Variants in EXOC4 observed in about 807,000 individuals in gnomAD.
EXOC4 encodes the protein exocyst complex component 4, also known as SEC8-like 1.
A neutral mutation model predicts 107.2 loss-of-function variants in EXOC4; 71 were observed. The ratio of observed to expected loss-of-function variants is 0.66; its 90% CI spans 0.55 to 0.81. The LOEUF (loss-of-function observed/expected upper bound fraction) is 0.81. Ranked by LOEUF, EXOC4 falls within the 30% of genes least tolerant of loss-of-function variation. EXOC4 has a pLI of 0.00. For missense variants in EXOC4, 1,108 were observed against 1,189.6 expected (o/e 0.93, Z 1.01); for synonymous variants, 456 against 441.2 (o/e 1.03, Z -0.42).
At chr7:134,031,748 A>G (rs562543762) in intron 17 of EXOC4, among the ~76,000 whole-genome samples, 3 of 152,384 alleles carry the variant, frequency 2.0e-5, no homozygotes, top group South Asian at 2.1e-4. Flanking sequence ...GGAAACTTCT[A>G]TGCAAGTGAA....
intron 9 of EXOC4, chr7:133,484,022 C>G (rs201591140): frequency 3.7e-6 from 6 of 1,613,908 alleles, no homozygotes; most frequent in Non-Finnish European, 4.2e-6. Flanking sequence ...CATACGTCAA[C>G]TTTTCCTTCC....
chr7:133,358,980 A>T (rs552238113), intron 6 of EXOC4, among the ~76,000 whole-genome samples: 2 of 152,156 alleles, frequency 1.3e-5, no homozygotes, highest in Non-Finnish European at 2.9e-5. Flanking sequence ...TGTAGGCAGG[A>T]TATATTGGAC....
intron 11 of EXOC4, among the ~76,000 whole-genome samples, chr7:133,826,685 G>A (rs902430051): frequency 3.9e-5 from 6 of 152,206 alleles, no homozygotes; most frequent in South Asian, 2.1e-4. Context: ...GTGGTGCTAA[G>A]AAAACACCTA....
chr7:133,851,932 C>T (rs1482765796), intron 11 of EXOC4, among the ~76,000 whole-genome samples: 1 of 152,142 alleles, frequency 6.6e-6, no homozygotes, highest in Non-Finnish European at 1.5e-5. Flanking sequence ...TGGTTGTCGC[C>T]ATTGTTTTTC....
chr7:133,664,573 A>C (rs1237425778), intron 10 of EXOC4, among the ~76,000 whole-genome samples: 1 of 152,154 alleles, frequency 6.6e-6, no homozygotes, highest in African/African-American at 2.4e-5. Flanking sequence ...CAAGAGAAAC[A>C]CATATTACCA....
chr7:133,773,959 C>T (rs1469323675), intron 10 of EXOC4, among the ~76,000 whole-genome samples: 2 of 152,116 alleles, frequency 1.3e-5, no homozygotes, highest in South Asian at 2.1e-4. Flanking sequence ...TGTATTAGGC[C>T]GTTCTTTCTT....
intron 10 of EXOC4, among the ~76,000 whole-genome samples, chr7:133,744,405 C>T (rs898440791): frequency 3.9e-5 from 6 of 152,096 alleles, no homozygotes; most frequent in Non-Finnish European, 8.8e-5. Flanking sequence ...TTTAAAAGCA[C>T]AAACCTTTCA....
intron 7 of EXOC4, among the ~76,000 whole-genome samples, chr7:133,442,317 G>T (rs962088181): frequency 2.0e-5 from 3 of 152,108 alleles, no homozygotes; most frequent in African/African-American, 7.2e-5. Flanking sequence ...AGAAAGAGGT[G>T]GTTATTAGAC....
rs536157656 is a variant in EXOC4 at position 133,436,961 on chromosome 7, T to TAA, written c.1183-38358_1183-38357dup. On this transcript the variant is annotated intron_variant, in intron 7 of 17. Transcript: ENST00000253861. ...TGTCTATAAATTGAGGATGAACTGA[T>TAA]AAAAAAAAAATACATCTGAGTGACT... Among the ~76,000 whole-genome samples, 727 of 149,614 alleles carry TAA rather than the reference T, an allele frequency of 4.9e-3. 4 individuals are homozygous for TAA. Among genetic ancestry groups the TAA allele is most frequent in the Middle Eastern group, 0.017 (5 of 288 alleles).
At chr7:133,889,414 C>CTAT (rs199697028) in intron 11 of EXOC4, among the ~76,000 whole-genome samples, 4 of 137,178 alleles carry the variant, frequency 2.9e-5, no homozygotes, top group Non-Finnish European at 4.8e-5. Flanking sequence ...ATTATTATTA[C>CTAT]TATTATTATT....
intron 9 of EXOC4, among the ~76,000 whole-genome samples, chr7:133,518,787 A>G (rs79762103): frequency 0.033 from 5,058 of 152,180 alleles, 283 homozygotes; most frequent in African/African-American, 0.12. Flanking sequence ...AAGTAGTCAC[A>G]TTCATAGAAA....
At chr7:133,486,372 G>A (rs1464176060) in intron 9 of EXOC4, among the ~76,000 whole-genome samples, 1 of 152,090 alleles carries the variant, frequency 6.6e-6, no homozygotes, top group African/African-American at 2.4e-5. Context: ...ATAGCAAGCT[G>A]TTCTATAATG....
chr7:134,017,997 A>G (rs1361562806), intron 17 of EXOC4, among the ~76,000 whole-genome samples: 1 of 152,232 alleles, frequency 6.6e-6, no homozygotes, highest in Non-Finnish European at 1.5e-5. Context: ...TATTATTATT[A>G]TCCAGTAAAG....
At chr7:133,367,314 G>T (rs1211652115) in intron 6 of EXOC4, among the ~76,000 whole-genome samples, 1 of 152,176 alleles carries the variant, frequency 6.6e-6, no homozygotes, top group African/African-American at 2.4e-5. Context: ...GGAATAACTG[G>T]AGAGGTGGCA....
chr7:133,657,691 C>G lies in EXOC4; in HGVS notation c.1514+27550C>G, dbSNP rs191601153. ...CTTGGAACTGGGAGATACAGGTTCT[C>G]TGTGCATCTTGTAATGGTATGCATG... On this transcript the variant is annotated intron_variant, in intron 10 of 17. Transcript: ENST00000253861. 8.5e-5 allele frequency among the ~76,000 whole-genome samples: 13 copies of G among 152,244 alleles called. 1 individual carries two copies. Among genetic ancestry groups the G allele is most frequent in the Admixed American group, 8.5e-4 (13 of 15,280 alleles).
At chr7:133,298,769 G>A (rs918260531) in intron 3 of EXOC4, among the ~76,000 whole-genome samples, 6 of 152,134 alleles carry the variant, frequency 3.9e-5, no homozygotes, top group Non-Finnish European at 7.4e-5. Context: ...CATAGCTTAG[G>A]ACTTGAGATC....
At chr7:133,784,717 G>A (rs971828285) in intron 10 of EXOC4, among the ~76,000 whole-genome samples, 3 of 152,168 alleles carry the variant, frequency 2.0e-5, no homozygotes, top group Non-Finnish European at 2.9e-5. Flanking sequence ...TTATTATGCT[G>A]AGGAGTTGCT....
At chr7:134,099,209 G>C in the EXOC4 span, among the ~76,000 whole-genome samples, 12 of 152,232 alleles carry the variant, frequency 7.9e-5, 1 homozygote, top group African/African-American at 2.9e-4. Flanking sequence ...CTTGTAAAAA[G>C]GGTGATGGGA....
chr7:133,289,442 A>G (rs1309839934), intron 3 of EXOC4, among the ~76,000 whole-genome samples: 1 of 152,266 alleles, frequency 6.6e-6, no homozygotes, highest in African/African-American at 2.4e-5. Flanking sequence ...AAACAATGAA[A>G]TCTACATGAG....
Sources: gnomAD v4.1 joint callset for allele counts (sites outside exome capture counted in the v4.1 genomes callset) on GRCh38, gnomAD v4.1.1 for gene constraint, MANE v1.5 for transcripts, NCBI Gene and HGNC (gene_info 2026-07-23, HGNC 2026-07-21) for gene names.